Variants in ZNF664 observed in about 807,000 individuals in gnomAD.
ZNF664 encodes zinc finger Organ of Corti 1.
Under a neutral mutation model 18.2 loss-of-function variants are expected in ZNF664, and 10 were observed. The observed-to-expected ratio is 0.55, with a 90% CI of 0.34 to 0.93. The LOEUF is 0.93. Among genes scored for constraint, ZNF664 ranks in the 40% least tolerant of loss-of-function variants. ZNF664 has a pLI of 0.02. For missense variants in ZNF664, 193 were observed against 319.0 expected, an observed-to-expected ratio of 0.61 and a Z score of 3.01; for synonymous variants, 119 against 104.2, an observed-to-expected ratio of 1.14 and a Z score of -0.86.
At chr12:123,986,449 A>G (rs1370344701) in intron 2 of ZNF664, among the ~76,000 whole-genome samples, 1 of 152,046 alleles carries the variant, frequency 6.6e-6, no homozygotes. Context: ...TGTCTTTTCT[A>G]ACCTTTTAGC....
intron 1 of ZNF664, 105 bp from the exon 2 acceptor site, chr12:123,973,781 C>T (rs936255570): frequency 2.5e-5 from 31 of 1,216,580 alleles, no homozygotes; most frequent in African/African-American, 3.1e-5. Context: ...GTCTTGGAGC[C>T]CTTCCAGGCG....
chr12:124,006,023 CT>C, intron 3 of ZNF664: 1 of 152,596 alleles, frequency 6.6e-6, no homozygotes, highest in East Asian at 1.9e-4. Flanking sequence ...TCGGCATCTG[CT>C]GGCTGAACAC....
chr12:124,000,292 A>G (rs2076813284), intron 3 of ZNF664, among the ~76,000 whole-genome samples: 1 of 152,084 alleles, frequency 6.6e-6, no homozygotes. Context: ...TTCTCAGCAG[A>G]TGGCCTTGCT....
chr12:124,002,726 A>G (rs940683464), intron 3 of ZNF664, among the ~76,000 whole-genome samples: 2 of 152,148 alleles, frequency 1.3e-5, no homozygotes, highest in African/African-American at 4.8e-5. Context: ...AGAATGAGGA[A>G]GGAACAGTTT....
Position 124,012,149 on chromosome 12 carries a change from T to C in ZNF664, c.5T>C (p.Ile2Thr). 1 of 1,602,594 alleles carries C rather than the reference T, an allele frequency of 6.2e-7. No individual in the cohort carries two copies. The highest frequency in any genetic ancestry group is 8.5e-7 in the Non-Finnish European group (1 of 1,176,830). Residue 2 changes from isoleucine (I) to threonine (T), a missense_variant, in exon 5 of 5, where the codon ATC (isoleucine) becomes ACC (threonine). Ile to Thr is a moderately conservative substitution (Grantham distance 89, BLOSUM62 -1). This residue lies in a region of ZNF664 where 90 missense variants were observed against 118.9 expected (regional missense o/e 0.76). Coordinates refer to ENST00000337815, the MANE Select transcript of ZNF664 (RefSeq NM_152437.3). Reference protein sequence around the residue: MIYKCPMCREFF... With the variant: MTYKCPMCREFF... Reference sequence around the variant, plus strand: ...TCACGATACCAAATAGGAAAAATGATCTACAAGTGCCCCATGTGTAGGGAA... The same window carrying C: ...TCACGATACCAAATAGGAAAAATGACCTACAAGTGCCCCATGTGTAGGGAA...
intron 2 of ZNF664, chr12:123,974,679 C>CAA (rs1956663703): frequency 6.6e-6 from 1 of 152,188 alleles, no homozygotes; most frequent in Admixed American, 6.5e-5. Context: ...CCTTCTAGAT[C>CAA]TTTTGGAGTA....
chr12:124,000,171 G>C (rs1445931946), intron 3 of ZNF664, among the ~76,000 whole-genome samples: 1 of 152,166 alleles, frequency 6.6e-6, no homozygotes, highest in African/African-American at 2.4e-5. Flanking sequence ...CCTCGATGCT[G>C]CTGGCAGTCT....
chr12:123,997,059 A>AAAAATAAAGATTTTCTATGAAATGT (rs1182238666), intron 3 of ZNF664, among the ~76,000 whole-genome samples: 2 of 152,180 alleles, frequency 1.3e-5, no homozygotes, highest in African/African-American at 4.8e-5. Context: ...AAAGGAAAGG[A>AAAAATAAAGATTTTCTATGAAATGT]AAAATAAAGA....
At chr12:123,981,624 G>A (rs1956766045) in intron 2 of ZNF664, among the ~76,000 whole-genome samples, 1 of 152,112 alleles carries the variant, frequency 6.6e-6, no homozygotes, top group African/African-American at 2.4e-5. Flanking sequence ...CCAGTTTCAG[G>A]TATTCTCTTG....
chr12:123,987,744 A>G (rs147956171), intron 2 of ZNF664, among the ~76,000 whole-genome samples: 2,478 of 152,240 alleles, frequency 0.016, 71 homozygotes, highest in African/African-American at 0.057. Flanking sequence ...CCTTAAACTC[A>G]TTTTGGATCT....
intron 1 of ZNF664, 157 bp from the exon 2 acceptor site, chr12:123,973,729 G>A: frequency 1.7e-6 from 2 of 1,194,938 alleles, no homozygotes; most frequent in Non-Finnish European, 2.1e-6. Flanking sequence ...TTGGAGCCGA[G>A]GGAAGGGGGA....
chr12:124,009,387 C>CAT (rs1288881293), intron 3 of ZNF664, among the ~76,000 whole-genome samples: 1 of 152,156 alleles, frequency 6.6e-6, no homozygotes, highest in Non-Finnish European at 1.5e-5. Context: ...TTTCCAGAGT[C>CAT]ATGTAACAGT....
At chr12:123,995,851 C>G (rs1054833939) in intron 3 of ZNF664, among the ~76,000 whole-genome samples, 1 of 152,278 alleles carries the variant, frequency 6.6e-6, no homozygotes, top group East Asian at 1.9e-4. Flanking sequence ...GCTGGCTCAA[C>G]AGAGGTCTGT....
In ZNF664 at chr12:124,011,952, C is replaced by T; in HGVS notation, c.-193C>T. ...CGATAATAATACTGAGTGAGGAACA[C>T]TATGCAGGAAGAAACCTTCCGTAGA... is the stretch of plus-strand genomic sequence containing the variant. On this transcript the variant is annotated 5_prime_UTR_variant, in exon 5 of 5. Coordinates refer to ENST00000337815, the MANE Select transcript of ZNF664 (RefSeq NM_152437.3). The T allele has an allele frequency of 7.1e-7, 1 of 1,416,258 alleles. No homozygotes were observed. The highest frequency in any genetic ancestry group is 1.6e-5 in the South Asian group (1 of 61,768). 87.7% of individuals were successfully genotyped at this position (1,416,258 alleles called of 1,614,324 possible).
At chr12:124,004,407 G>A (rs1957046903) in intron 3 of ZNF664, among the ~76,000 whole-genome samples, 1 of 152,228 alleles carries the variant, frequency 6.6e-6, no homozygotes, top group Non-Finnish European at 1.5e-5. Flanking sequence ...AGGATGTTTT[G>A]GTTAAAGGCT....
rs1434251073 is a variant in ZNF664, at chr12:124,012,080, A to G, written c.-65A>G. ...CAAATAAGAGACTCTATGAAATAAC[A>G]GTCTTGTAACTGTAGTAATCATAAG... On this transcript the variant is annotated 5_prime_UTR_variant, in exon 5 of 5. Transcript: ENST00000337815. The G allele has an allele frequency of 3.3e-6, 5 of 1,528,170 alleles. No homozygotes were observed. Among genetic ancestry groups the G allele is most frequent in the Admixed American group, 4.5e-5 (2 of 44,724 alleles). 94.7% of individuals were successfully genotyped at this position (1,528,170 alleles called of 1,614,324 possible).
intron 3 of ZNF664, among the ~76,000 whole-genome samples, chr12:123,998,946 T>C (rs1273320638): frequency 6.6e-6 from 1 of 152,220 alleles, no homozygotes; most frequent in Non-Finnish European, 1.5e-5. Context: ...GTCACTTATC[T>C]ATGTCAAATA....
chr12:123,973,705 A>G, intron 1 of ZNF664, 181 bp from the exon 2 acceptor site: 7 of 1,076,276 alleles, frequency 6.5e-6, no homozygotes, highest in Non-Finnish European at 8.2e-6. Flanking sequence ...CTCCCGAGCC[A>G]GGCTCCATTG....
chr12:123,995,609 A>T (rs1392196946), intron 3 of ZNF664, among the ~76,000 whole-genome samples: 1 of 152,244 alleles, frequency 6.6e-6, no homozygotes, highest in Non-Finnish European at 1.5e-5. Context: ...ATTCTTTGTC[A>T]GTTAGGGCTG....
Sources: gnomAD v4.1 joint callset for allele counts (sites outside exome capture counted in the v4.1 genomes callset) on GRCh38, gnomAD v4.1.1 for gene constraint, gnomAD v4.1.1 regional missense constraint, MANE v1.5 for transcripts, NCBI Gene and HGNC (gene_info 2026-07-23, HGNC 2026-07-21) for gene names.